FNDC3A: variants seen among roughly 807,000 people sequenced by gnomAD.
The protein encoded by FNDC3A is fibronectin type III domain containing 3A, also known as fibronectin type-III domain-containing protein 3A.
Under a neutral mutation model 148.9 loss-of-function variants are expected in FNDC3A, and 32 were observed. The ratio of observed to expected loss-of-function variants is 0.21; its 90% CI spans 0.16 to 0.29. The LOEUF (loss-of-function observed/expected upper bound fraction) is 0.29, where lower values mean the gene tolerates loss of function less well. FNDC3A is among the 10% of genes least tolerant of loss of function. FNDC3A has a pLI of 1.00. For synonymous variants in FNDC3A, 472 were observed against 473.6 expected (o/e 1.00, Z 0.04); for missense variants, 1,191 against 1,452.8 (o/e 0.82, Z 2.93).
chr13:49,162,754 C>T (rs1001962556), intron 8 of FNDC3A, among the ~76,000 whole-genome samples: 1 of 152,166 alleles, frequency 6.6e-6, no homozygotes, highest in Non-Finnish European at 1.5e-5. Context: ...GTTTTATCTA[C>T]CTTTGGTCTT....
At chr13:49,197,585 C>A in intron 20 of FNDC3A, 140 bp from the exon 21 acceptor site, 2 of 618,630 alleles carry the variant, frequency 3.2e-6, no homozygotes, top group Non-Finnish European at 5.6e-6. Context: ...TAAAATTGAA[C>A]AGTTTTGATT....
At chr13:49,120,676 A>G (rs944311526) in intron 4 of FNDC3A, among the ~76,000 whole-genome samples, 1 of 152,096 alleles carries the variant, frequency 6.6e-6, no homozygotes, top group Non-Finnish European at 1.5e-5. Context: ...GCAAAAAAAA[A>G]AAAAGCAGGA....
chr13:49,099,344 G>A (rs1879722512), intron 3 of FNDC3A, among the ~76,000 whole-genome samples: 2 of 152,028 alleles, frequency 1.3e-5, no homozygotes, highest in Admixed American at 6.6e-5. Context: ...CTTGCCAGAA[G>A]CAAGTCTTAA....
At chr13:49,158,178 G>A (rs537233575) in intron 8 of FNDC3A, among the ~76,000 whole-genome samples, 8 of 152,144 alleles carry the variant, frequency 5.3e-5, no homozygotes, top group African/African-American at 1.2e-4. Context: ...GTGAGACTCC[G>A]TGGGCGTAGG....
At chr13:49,135,718 A>G (rs1172060083) in intron 5 of FNDC3A, among the ~76,000 whole-genome samples, 3 of 152,344 alleles carry the variant, frequency 2.0e-5, no homozygotes, top group Admixed American at 6.5e-5. Context: ...TTTATTGAGC[A>G]TAATGACTTA....
chr13:49,173,406 T>C (rs1884865039), intron 11 of FNDC3A, among the ~76,000 whole-genome samples: 1 of 152,230 alleles, frequency 6.6e-6, no homozygotes, highest in African/African-American at 2.4e-5. Flanking sequence ...TGATAAAAAT[T>C]ACCATTCATC....
intron 8 of FNDC3A, among the ~76,000 whole-genome samples, chr13:49,150,378 A>G (rs1033120507): frequency 3.9e-5 from 6 of 152,070 alleles, no homozygotes; most frequent in Admixed American, 3.3e-4. Flanking sequence ...AGACTCTTTA[A>G]GCTTTTTAAT....
intron 1 of FNDC3A, among the ~76,000 whole-genome samples, chr13:49,003,372 T>C: frequency 6.6e-6 from 1 of 152,170 alleles, no homozygotes; most frequent in Non-Finnish European, 1.5e-5. Context: ...GCCACATTTC[T>C]ACTTTTGTGG....
chr13:49,088,859 C>T (rs925845322), intron 3 of FNDC3A, among the ~76,000 whole-genome samples: 2 of 152,134 alleles, frequency 1.3e-5, no homozygotes, highest in East Asian at 1.9e-4. Context: ...AGGCACTGCA[C>T]ACAGCAGTGT....
At chr13:49,079,848 T>C (rs1446536316) in intron 3 of FNDC3A, among the ~76,000 whole-genome samples, 1 of 152,212 alleles carries the variant, frequency 6.6e-6, no homozygotes, top group African/African-American at 2.4e-5. Context: ...ACAGGGTCTC[T>C]TTGTCACCCA....
At chr13:49,068,943 A>C (rs1008445456) in intron 2 of FNDC3A, among the ~76,000 whole-genome samples, 6 of 152,226 alleles carry the variant, frequency 3.9e-5, no homozygotes, top group Admixed American at 2.0e-4. Flanking sequence ...AGGAAAAAAT[A>C]ACTATTGGGT....
intron 24 of FNDC3A, 44 bp downstream of exon 24, chr13:49,202,010 T>C: frequency 8.2e-7 from 1 of 1,213,234 alleles, no homozygotes; most frequent in Non-Finnish European, 1.1e-6. Flanking sequence ...AATAAATTAC[T>C]TTTTAATGTA....
chr13:49,077,417 TC>T (rs1415397394), intron 3 of FNDC3A, among the ~76,000 whole-genome samples: 1 of 152,224 alleles, frequency 6.6e-6, no homozygotes, highest in African/African-American at 2.4e-5. Flanking sequence ...CAGGCAAACT[TC>T]CTGTCTTCCC....
intron 1 of FNDC3A, among the ~76,000 whole-genome samples, 200 bp from the exon 2 acceptor site, chr13:49,005,948 GACAA>G (rs888949597): frequency 7.9e-5 from 12 of 151,792 alleles, no homozygotes; most frequent in East Asian, 3.8e-4. Context: ...TGACTACTTT[GACAA>G]ACAAAGTAAT....
In FNDC3A at chr13:49,080,115, A is replaced by C. The variant is rs537771309; in HGVS notation, c.175+4751A>C. Reference sequence around the variant, plus strand: ...CCTGGCCCAATATTTGTTTCAAAAAATACAGTTTTCATATTTTTAATGAAA... The same window carrying C: ...CCTGGCCCAATATTTGTTTCAAAAACTACAGTTTTCATATTTTTAATGAAA... On this transcript the variant is annotated intron_variant, in intron 3 of 25. Transcript: ENST00000492622. 3.4e-4 allele frequency among the ~76,000 whole-genome samples: 52 copies of C among 152,328 alleles called. No individual in the cohort carries two copies. The South Asian group carries it at 0.011, about 32-fold the overall frequency.
chr13:48,979,001 C>T (rs1373132744), intron 1 of FNDC3A, among the ~76,000 whole-genome samples: 1 of 151,910 alleles, frequency 6.6e-6, no homozygotes, highest in Non-Finnish European at 1.5e-5. Context: ...TCTGTCTTCC[C>T]ACTGTTGTGG....
chr13:49,036,951 C>CTAAT (rs1190310500), intron 2 of FNDC3A, among the ~76,000 whole-genome samples: 3 of 152,068 alleles, frequency 2.0e-5, no homozygotes, highest in African/African-American at 7.2e-5. Context: ...GGCTATTGAC[C>CTAAT]ATTAGAACAC....
Position 49,115,192 on chromosome 13 carries a change from G to T in FNDC3A, c.252+461G>T, listed in dbSNP as rs1437939738. Among the ~76,000 whole-genome samples, 177 of 119,328 alleles carry T rather than the reference G, an allele frequency of 1.5e-3. 2 individuals are homozygous for T. The highest frequency in any genetic ancestry group is 5.6e-3 in the Admixed American group (70 of 12,404). 78.3% of individuals were successfully genotyped at this position (119,328 alleles called of 152,430 possible). ...GCAACCCTGAGGGATGAGGGGGGGG[G>T]GGAAATAAAAAAAAAAAATCAGTAT... On this transcript the variant is annotated intron_variant, in intron 4 of 25. Transcript: ENST00000492622.
intron 14 of FNDC3A, among the ~76,000 whole-genome samples, chr13:49,180,274 A>G (rs1164558016): frequency 6.6e-6 from 1 of 152,238 alleles, no homozygotes; most frequent in Non-Finnish European, 1.5e-5. Context: ...TTTCAAATAA[A>G]TGATAAAAGC....
Sources: allele counts gnomAD v4.1 joint callset (sites outside exome capture counted in the v4.1 genomes callset), GRCh38; gene constraint gnomAD v4.1.1; transcripts MANE v1.5; gene names NCBI Gene and HGNC (gene_info 2026-07-23, HGNC 2026-07-21).